SLC15A1: variants seen among roughly 807,000 people sequenced by gnomAD.
SLC15A1 encodes Caco-2 oligopeptide transporter.
SLC15A1 carries 83 observed loss-of-function variants against 92.9 expected under a neutral mutation model. That is an observed-to-expected ratio of 0.89 (90% CI 0.75 to 1.07). The LOEUF (loss-of-function observed/expected upper bound fraction) is 1.07, where lower values mean the gene tolerates loss of function less well. Among genes scored for constraint, SLC15A1 ranks in the 50% least tolerant of loss-of-function variants. SLC15A1 has a pLI of 0.00. For missense variants in SLC15A1, 857 were observed against 880.1 expected, an observed-to-expected ratio of 0.97 and a Z score of 0.33; for synonymous variants, 322 against 318.2, an observed-to-expected ratio of 1.01 and a Z score of -0.13.
At position 98,709,881 on chromosome 13, in the gene SLC15A1, T is replaced by C. The variant is rs760837684; in HGVS notation, c.931A>G (p.Met311Val). The C allele has an allele frequency of 6.2e-7, 1 of 1,614,078 alleles. No homozygotes were observed. Among genetic ancestry groups the C allele is most frequent in the African/African-American group, 1.3e-5 (1 of 74,930 alleles). ...GTCAAACTTACGATTTTCCCGGACA[T>C]AGTTGTTGCCTGCAGTGTCCACCTG... The part of the protein sequence containing the change: ...GSRWTLQATT[M>V]SGKIGALEIQ... Residue 311 changes from methionine (M) to valine (V), a missense_variant, in exon 12 of 23, where the codon ATG becomes GTG. Met to Val is a conservative substitution (Grantham distance 21). Coordinates refer to ENST00000376503, the MANE Select transcript of SLC15A1 (RefSeq NM_005073.4).
intron 1 of SLC15A1, among the ~76,000 whole-genome samples, chr13:98,735,904 T>C (rs937726061): frequency 6.6e-6 from 1 of 152,128 alleles, no homozygotes; most frequent in African/African-American, 2.4e-5. Context: ...ATCATGAAAA[T>C]GGACATACTG....
At position 98,704,374 on chromosome 13, in the gene SLC15A1, C is replaced by A. The variant is rs1474363876; in HGVS notation, c.1331G>T (p.Gly444Val). Reference sequence around the variant, plus strand: ...GTCAGTTACAGCAGTGACTGGTGATCCAGGAGAAGAAATGTTTATCCTTGT... The same window carrying A: ...GTCAGTTACAGCAGTGACTGGTGATACAGGAGAAGAAATGTTTATCCTTGT... ...KLTRINISSP[G>V]SPVTAVTDDF... Residue 444 changes from glycine to valine, a missense_variant, in exon 17 of 23, where the codon GGA (glycine) becomes GTA (valine). Coordinates refer to ENST00000376503, the MANE Select transcript of SLC15A1 (RefSeq NM_005073.4). 6.2e-7 allele frequency: 1 copy of A among 1,613,834 alleles called. No individual in the cohort carries two copies. The highest frequency in any genetic ancestry group is 2.2e-5 in the East Asian group (1 of 44,854).
At chr13:98,710,722 C>A (rs548668143) in intron 11 of SLC15A1, among the ~76,000 whole-genome samples, 1 of 144,158 alleles carries the variant, frequency 6.9e-6, no homozygotes, top group East Asian at 2.0e-4. Flanking sequence ...GCAGGAGAAT[C>A]GCTTGAACTT....
At chr13:98,721,107 T>C in intron 7 of SLC15A1, 1 of 485,322 alleles carries the variant, frequency 2.1e-6, no homozygotes, top group South Asian at 1.5e-5. Context: ...AAACTCTTCC[T>C]AAGTCACAGA....
At chr13:98,715,420 G>A (rs1440737073) in intron 9 of SLC15A1, among the ~76,000 whole-genome samples, 3 of 152,164 alleles carry the variant, frequency 2.0e-5, no homozygotes, top group Admixed American at 6.5e-5. Context: ...TGATCCGCCC[G>A]CCTAGGCCTC....
At chr13:98,696,201 G>A (rs2088019806) in intron 18 of SLC15A1, among the ~76,000 whole-genome samples, 1 of 151,286 alleles carries the variant, frequency 6.6e-6, no homozygotes, top group Admixed American at 6.7e-5. Context: ...ATCACTTGAG[G>A]TCAGGAGTTC....
intron 18 of SLC15A1, among the ~76,000 whole-genome samples, chr13:98,698,910 T>C (rs1471678559): frequency 1.3e-5 from 2 of 152,110 alleles, no homozygotes; most frequent in East Asian, 1.9e-4. Flanking sequence ...GAGACTGGGG[T>C]TGAACGTTGA....
intron 1 of SLC15A1, among the ~76,000 whole-genome samples, chr13:98,748,658 G>A (rs1314402476): frequency 6.6e-6 from 1 of 152,126 alleles, no homozygotes. Context: ...TTTACCCAAT[G>A]CTTCATCATC....
Position 98,686,213 on chromosome 13 carries a change from C to A in SLC15A1, c.1912G>T (p.Gly638Trp), listed in dbSNP as rs2087927756. 1.9e-6 allele frequency: 3 copies of A among 1,613,840 alleles called. No individual in the cohort carries two copies. Among genetic ancestry groups the A allele is most frequent in the Non-Finnish European group, 2.5e-6 (3 of 1,179,892 alleles). ...ACCTGTTTGCTGAACTGGCCTGCCC[C>A]TGCCACGATGAGCACAATGATGTTG... ...VGNIIVLIVA[G>W]AGQFSKQWAE... is the part of the protein sequence containing the mutation. The change falls in exon 22 of 23, where the codon GGG (glycine) becomes TGG (tryptophan). Residue 638 changes from glycine (G) to tryptophan (W), a missense_variant. By Grantham distance (184) the Gly-to-Trp change is radical (BLOSUM62 -2). Transcript: ENST00000376503.
intron 15 of SLC15A1, among the ~76,000 whole-genome samples, chr13:98,707,014 G>T (rs780487450): frequency 6.6e-6 from 1 of 152,166 alleles, no homozygotes; most frequent in Non-Finnish European, 1.5e-5. Context: ...AGCCCTAGAC[G>T]CAGCAGTGTA....
In SLC15A1 at chr13:98,723,895, A is replaced by G; in HGVS notation, c.365+17T>C. On this transcript the variant is annotated intron_variant, in intron 5 of 22. Transcript: ENST00000376503. ...AAGGTGGGAGGGTGATGGGGGCAGC[A>G]GTGAGCACCAACTCACACGTGCACA... 1 of 1,614,026 alleles carries G rather than the reference A, an allele frequency of 6.2e-7. No homozygotes were observed. The highest frequency in any genetic ancestry group is 8.5e-7 in the Non-Finnish European group (1 of 1,179,922).
rs2088112057 is a variant in SLC15A1, at chr13:98,706,240, A to C, written c.1163T>G (p.Val388Gly). 2 of 1,612,300 alleles carry C rather than the reference A, an allele frequency of 1.2e-6. No individual in the cohort carries two copies. The highest frequency in any genetic ancestry group is 1.7e-6 in the Non-Finnish European group (2 of 1,179,450). ...TTGGACTTCGTTTCCTTTGGGGAAG[A>C]CTGGAAGAGTTTTCTGAGCAAAATA... ...VQVEIDKTLP[V>G]FPKGNEVQIK... Residue 388 changes from valine to glycine, a missense_variant, in exon 16 of 23, where the codon GTC becomes GGC. Physicochemically the swap from Val to Gly is moderately radical, Grantham distance 109. Transcript: ENST00000376503.
At chr13:98,724,137 C>A in intron 4 of SLC15A1, 106 bp from the exon 5 acceptor site, 2 of 1,345,054 alleles carry the variant, frequency 1.5e-6, no homozygotes, top group Non-Finnish European at 2.1e-6. Flanking sequence ...AGAGCCCAAT[C>A]CTGAATACAC....
rs116390692 is a variant in SLC15A1 at position 98,718,226 on chromosome 13, A to G, written c.640+1011T>C. ...TGCCATTTCTTCAAGCAAGTTATAG[A>G]TACGTACATGTTGACAAGAACAAAA... is the stretch of plus-strand genomic sequence containing the variant. On this transcript the variant is annotated intron_variant, in intron 8 of 22. Transcript: ENST00000376503. Among the ~76,000 whole-genome samples the G allele has an allele frequency of 8.7e-3, 1,302 of 149,352 alleles. 22 individuals carry two copies. The highest frequency in any genetic ancestry group is 0.03 in the African/African-American group (1,230 of 40,330).
intron 1 of SLC15A1, among the ~76,000 whole-genome samples, chr13:98,732,843 T>G (rs1245513772): frequency 6.6e-6 from 1 of 152,186 alleles, no homozygotes; most frequent in Non-Finnish European, 1.5e-5. Flanking sequence ...TTCTGAACTT[T>G]CAAGGTGTGG....
intron 1 of SLC15A1, among the ~76,000 whole-genome samples, chr13:98,739,595 G>A (rs2139607597): frequency 6.6e-6 from 1 of 152,254 alleles, no homozygotes; most frequent in South Asian, 2.1e-4. Context: ...CTCCAGCCAT[G>A]TGACATGCCT....
Position 98,685,997 on chromosome 13 carries a change from A to AAG in SLC15A1, c.1935+192_1935+193insCT, listed in dbSNP as rs760995074. 8.3e-3 allele frequency among the ~76,000 whole-genome samples: 1,246 copies of AAG among 149,800 alleles called. 10 individuals carry two copies. The highest frequency in any genetic ancestry group is 0.042 in the Middle Eastern group (12 of 288). On this transcript the variant is annotated intron_variant, in intron 22 of 22. Coordinates refer to ENST00000376503, the MANE Select transcript of SLC15A1 (RefSeq NM_005073.4). The stretch of plus-strand genomic sequence containing the variant: ...GAGACTCCGTCTCAAAAAAAAAAAA[A>AAG]AAGAAGAAGAAGAAGAAACAGCAGA...
At position 98,723,927 on chromosome 13, in the gene SLC15A1, C is replaced by T. The variant is rs2297322; in HGVS notation, c.350G>A (p.Ser117Asn). The change falls in exon 5 of 23, where the codon AGC (serine) becomes AAC (asparagine). Residue 117 changes from serine to asparagine, a missense_variant. Transcript: ENST00000376503. ...TDHNHDGTPD[S>N]LPVHVVLSLI... is the part of the protein sequence containing the mutation. ...ACCAACTCACACGTGCACAGGAAGG[C>T]TGTCGGGGGTGCCATCATGGTTGTG... 235,413 of 1,613,912 alleles carry T rather than the reference C, an allele frequency of 0.15. 24,106 individuals are homozygous for T. Among genetic ancestry groups the T allele is most frequent in the East Asian group, 0.43 (19,094 of 44,866 alleles).
At position 98,709,909 on chromosome 13, in the gene SLC15A1, G is replaced by A. The variant is rs1159478484; in HGVS notation, c.903C>T (p.Gly301=). Residue 301 remains glycine, a splice_region_variant and synonymous_variant, in exon 12 of 23, where the codon GGC becomes GGT. Transcript: ENST00000376503. The stretch of plus-strand genomic sequence containing the variant: ...TTGTTGCCTGCAGTGTCCACCTGGA[G>A]CCCTTAAAAATGAATACATTTGCTG... The part of the protein sequence containing the change: ...PMFWALFDQQ[G]SRWTLQATTM... The A allele has an allele frequency of 6.2e-7, 1 of 1,614,160 alleles. No individual in the cohort carries two copies. Among genetic ancestry groups the A allele is most frequent in the South Asian group, 1.1e-5 (1 of 91,078 alleles).
Sources: allele counts gnomAD v4.1 joint callset (sites outside exome capture counted in the v4.1 genomes callset), GRCh38; gene constraint gnomAD v4.1.1; transcripts MANE v1.5; gene names NCBI Gene and HGNC (gene_info 2026-07-23, HGNC 2026-07-21).